The following TCF4 variants were observed in gnomAD, a reference collection of about 807,000 sequenced individuals.
TCF4 encodes transcription factor 4.
A neutral mutation model predicts 82.1 loss-of-function variants in TCF4; 3 were observed. That is an observed-to-expected ratio of 0.04 (90% CI 0.02 to 0.09). TCF4 has a LOEUF of 0.09. TCF4 is among the 10% of genes least tolerant of loss of function. TCF4 has a pLI of 1.00. For missense variants in TCF4, 518 were observed against 852.7 expected, an observed-to-expected ratio of 0.61 and a Z score of 4.89; for synonymous variants, 276 against 309.6, an observed-to-expected ratio of 0.89 and a Z score of 1.14.
intron 5 of TCF4, among the ~76,000 whole-genome samples, chr18:55,411,203 A>G (rs919347401): frequency 6.6e-6 from 1 of 152,182 alleles, no homozygotes; most frequent in African/African-American, 2.4e-5. Flanking sequence ...TGAATCAGCA[A>G]TTTGTACAAG....
chr18:55,417,903 T>C (rs2146865691), intron 5 of TCF4, among the ~76,000 whole-genome samples: 1 of 152,142 alleles, frequency 6.6e-6, no homozygotes, highest in African/African-American at 2.4e-5. Context: ...GTACCTATAA[T>C]AAAAACTGAA....
At chr18:55,365,441 A>G (rs2086761300) in intron 6 of TCF4, among the ~76,000 whole-genome samples, 1 of 151,668 alleles carries the variant, frequency 6.6e-6, no homozygotes, top group Non-Finnish European at 1.5e-5. Context: ...ACAACTTCAG[A>G]GTGGGTCAAT....
chr18:55,537,820 C>T (rs1480096520), intron 3 of TCF4, among the ~76,000 whole-genome samples: 1 of 152,076 alleles, frequency 6.6e-6, no homozygotes, highest in Non-Finnish European at 1.5e-5. Flanking sequence ...CTATTGAGGT[C>T]TAAGCCCCTC....
chr18:55,627,310 C>A (rs2097727393), intron 2 of TCF4, among the ~76,000 whole-genome samples: 1 of 152,034 alleles, frequency 6.6e-6, no homozygotes, highest in Non-Finnish European at 1.5e-5. Context: ...AGAGAAAAGC[C>A]ATAGAATTCC....
intron 14 of TCF4, among the ~76,000 whole-genome samples, chr18:55,255,952 T>C (rs1250713399): frequency 6.6e-6 from 1 of 152,206 alleles, no homozygotes; most frequent in Non-Finnish European, 1.5e-5. Flanking sequence ...TATAGTAGTC[T>C]ATGGTACAGA....
chr18:55,465,929 T>A lies in TCF4; in HGVS notation c.146-1792A>T, dbSNP rs539214802. On this transcript the variant is annotated intron_variant, in intron 3 of 19. Transcript: ENST00000354452. The stretch of plus-strand genomic sequence containing the variant: ...ATGGAGGAACAGATTTGAATCCCTA[T>A]AAGTACCATAAGATTTCAAATTGTT... Among the ~76,000 whole-genome samples, 358 of 152,334 alleles carry A rather than the reference T, an allele frequency of 2.4e-3. 1 individual carries two copies. Among genetic ancestry groups the A allele is most frequent in the Non-Finnish European group, 2.5e-3 (172 of 68,026 alleles).
At chr18:55,231,768 A>G (rs928812890) in intron 17 of TCF4, 1 of 152,246 alleles carries the variant, frequency 6.6e-6, no homozygotes, top group African/African-American at 2.4e-5. Flanking sequence ...TAATTCACAA[A>G]AGATTCCAGA....
chr18:55,488,366 G>T (rs904661798), intron 3 of TCF4, among the ~76,000 whole-genome samples: 1 of 152,030 alleles, frequency 6.6e-6, no homozygotes, highest in Non-Finnish European at 1.5e-5. Flanking sequence ...ATATAGAAAC[G>T]ATTACATAAA....
chr18:55,578,613 C>T (rs2147732383), intron 3 of TCF4, among the ~76,000 whole-genome samples: 1 of 152,124 alleles, frequency 6.6e-6, no homozygotes, highest in Admixed American at 6.6e-5. Context: ...TTACTTGGAT[C>T]AAAGAGACAT....
intron 3 of TCF4, among the ~76,000 whole-genome samples, chr18:55,575,905 T>C (rs945675013): frequency 1.3e-5 from 2 of 152,220 alleles, no homozygotes; most frequent in African/African-American, 4.8e-5. Context: ...GGAAAAGTTT[T>C]AAACGCATTT....
chr18:55,514,487 C>T (rs2096861409), intron 3 of TCF4, among the ~76,000 whole-genome samples: 1 of 151,362 alleles, frequency 6.6e-6, no homozygotes, highest in Non-Finnish European at 1.5e-5. Flanking sequence ...TACCCACAGC[C>T]AAGGAAAAGT....
Position 55,228,079 on chromosome 18 carries a change from G to A in TCF4, c.*5-49C>T, listed in dbSNP as rs140065616. The A allele has an allele frequency of 7.4e-6, 8 of 1,079,956 alleles. No homozygotes were observed. In the Admixed American group the frequency reaches 1.9e-4, roughly 26 times the overall value. 66.9% of individuals were successfully genotyped at this position (1,079,956 alleles called of 1,614,324 possible). A position where few individuals can be genotyped will look rare whatever the true frequency, so the allele number is the denominator to read the frequency against. On this transcript the variant is annotated intron_variant, in intron 19 of 19. Coordinates refer to ENST00000354452, the MANE Select transcript of TCF4 (RefSeq NM_001083962.2). ...AAAATTCATTAATATATTTGTAACA[G>A]AAAAAGTATGCTTTTTTTAAAAAAA...
chr18:55,494,309 G>T lies in TCF4; in HGVS notation c.146-30172C>A, dbSNP rs183326186. Among the ~76,000 whole-genome samples, 445 of 147,662 alleles carry T rather than the reference G, an allele frequency of 3.0e-3. 10 individuals are homozygous for T. The highest frequency in any genetic ancestry group is 0.028 in the Admixed American group (415 of 14,920). Reference sequence around the variant, plus strand: ...ATTCTATTTGAGAAAAAAAAAAAAAGAAATGAAAAACTGTGGAATCACATG... The same window carrying T: ...ATTCTATTTGAGAAAAAAAAAAAAATAAATGAAAAACTGTGGAATCACATG... On this transcript the variant is annotated intron_variant, in intron 3 of 19. Coordinates refer to ENST00000354452, the MANE Select transcript of TCF4 (RefSeq NM_001083962.2).
intron 1 of TCF4, 137 bp from the exon 2 acceptor site, chr18:55,587,273 A>T: frequency 2.2e-6 from 1 of 449,610 alleles, no homozygotes; most frequent in Non-Finnish European, 4.1e-6. Flanking sequence ...GGAGGAAGGG[A>T]TGGGAGACTT....
intron 6 of TCF4, among the ~76,000 whole-genome samples, chr18:55,398,991 AG>A (rs1472735433): frequency 6.6e-6 from 1 of 152,218 alleles, no homozygotes; most frequent in Non-Finnish European, 1.5e-5. Flanking sequence ...ATAAACACTT[AG>A]GCATCTTAGT....
rs150178921 is a variant in TCF4, at chr18:55,510,859, T to C, written c.146-46722A>G. 3.2e-4 allele frequency: 277 copies of C among 875,068 alleles called. No individual in the cohort carries two copies. The Middle Eastern group carries it at 3.7e-3, about 12-fold the overall frequency. The allele number at this position is 875,068 out of a possible 1,614,324, so 54.2% of individuals were successfully genotyped here. ...TGTGTTTATGAGCTACATTAGAAAT[T>C]TGAACAATAGCAGACCTTTTCTGAA... On this transcript the variant is annotated intron_variant, in intron 3 of 19. Coordinates refer to ENST00000354452, the MANE Select transcript of TCF4 (RefSeq NM_001083962.2).
intron 2 of TCF4, among the ~76,000 whole-genome samples, chr18:55,631,082 C>T (rs1003004871): frequency 3.4e-5 from 5 of 147,094 alleles, no homozygotes; most frequent in Non-Finnish European, 7.4e-5. Flanking sequence ...TAGAATCTCA[C>T]TCTGTCACCC....
chr18:55,591,634 CAGCCTCCCA>C (rs1337842133), upstream of TCF4, among the ~76,000 whole-genome samples: 15 of 152,360 alleles, frequency 9.8e-5, no homozygotes, highest in Non-Finnish European at 1.8e-4. Context: ...TCTCCTGCCT[CAGCCTCCCA>C]AGTAGCTGGG....
chr18:55,488,381 A>G (rs2096540039), intron 3 of TCF4, among the ~76,000 whole-genome samples: 1 of 152,176 alleles, frequency 6.6e-6, no homozygotes, highest in South Asian at 2.1e-4. Flanking sequence ...CATAAACAGG[A>G]GTGAAATTGG....
Sources: allele counts gnomAD v4.1 joint callset (sites outside exome capture counted in the v4.1 genomes callset), GRCh38; gene constraint gnomAD v4.1.1; transcripts MANE v1.5; gene names NCBI Gene and HGNC (gene_info 2026-07-23, HGNC 2026-07-21).